The following IQCK variants were observed in gnomAD, a reference collection of about 807,000 sequenced individuals.
IQCK encodes IQ domain-containing protein K.
Under a neutral mutation model 28.1 loss-of-function variants are expected in IQCK, and 29 were observed. That is an observed-to-expected ratio of 1.03 (90% confidence interval 0.77 to 1.41). IQCK has a LOEUF of 1.41. Among genes scored for constraint, IQCK ranks in the 40% most tolerant of loss-of-function variants. The probability of loss-of-function intolerance (pLI) is 0.00; values close to 1 mark genes in which losing one functional copy is unlikely to be tolerated. For synonymous variants in IQCK, 113 were observed against 115.1 expected, an observed-to-expected ratio of 0.98 and a Z score of 0.12; for missense variants, 359 against 314.7, an observed-to-expected ratio of 1.14 and a Z score of -1.07.
At chr16:19,774,693 C>CT (rs1381183233) in intron 6 of IQCK, among the ~76,000 whole-genome samples, 2 of 152,082 alleles carry the variant, frequency 1.3e-5, no homozygotes, top group African/African-American at 4.8e-5. Context: ...CTTAAATATG[C>CT]TTTAAAATTA....
chr16:19,748,505 G>T (rs1331437618), intron 4 of IQCK, among the ~76,000 whole-genome samples: 1 of 152,156 alleles, frequency 6.6e-6, no homozygotes, highest in African/African-American at 2.4e-5. Flanking sequence ...TTGTTGTGAG[G>T]ATAAATGAGT....
At chr16:19,736,399 A>T (rs1978016124) in intron 4 of IQCK, among the ~76,000 whole-genome samples, 1 of 151,962 alleles carries the variant, frequency 6.6e-6, no homozygotes, top group African/African-American at 2.4e-5. Context: ...AGCAGCTGGG[A>T]CTACGGGTAT....
chr16:19,777,793 G>C (rs1461840877), intron 6 of IQCK, among the ~76,000 whole-genome samples: 1 of 152,216 alleles, frequency 6.6e-6, no homozygotes, highest in East Asian at 1.9e-4. Flanking sequence ...GCTCACGCCT[G>C]TAATCCCAGC....
At chr16:19,812,547 T>G (rs1428184247) in intron 7 of IQCK, among the ~76,000 whole-genome samples, 1 of 152,204 alleles carries the variant, frequency 6.6e-6, no homozygotes, top group Non-Finnish European at 1.5e-5. Flanking sequence ...GACCATATGA[T>G]GCACAAAGCC....
At chr16:19,782,868 A>G (rs894660475) in intron 6 of IQCK, among the ~76,000 whole-genome samples, 2 of 152,222 alleles carry the variant, frequency 1.3e-5, no homozygotes, top group Admixed American at 6.5e-5. Flanking sequence ...TTCACTTTGC[A>G]TCTAAAAAAG....
chr16:19,754,269 G>A (rs1202193677), intron 4 of IQCK, among the ~76,000 whole-genome samples: 1 of 152,198 alleles, frequency 6.6e-6, no homozygotes, highest in Non-Finnish European at 1.5e-5. Flanking sequence ...CACACAGTAA[G>A]TAAATGTTTG....
chr16:19,854,253 TTAAC>T (rs1776925621), intron 9 of IQCK, among the ~76,000 whole-genome samples: 1 of 152,276 alleles, frequency 6.6e-6, no homozygotes, highest in South Asian at 2.1e-4. Flanking sequence ...TTCTCAAACT[TTAAC>T]TAGCATCCAT....
intron 1 of IQCK, among the ~76,000 whole-genome samples, chr16:19,727,357 C>T (rs1051237052): frequency 1.3e-5 from 2 of 151,760 alleles, no homozygotes; most frequent in African/African-American, 2.4e-5. Context: ...AAGGCCAAGG[C>T]GGGCGGATTG....
At chr16:19,797,605 A>G (rs2151736852) in intron 7 of IQCK, among the ~76,000 whole-genome samples, 2 of 90,346 alleles carry the variant, frequency 2.2e-5, no homozygotes, top group Admixed American at 1.0e-4. Context: ...AGCCCCTTTG[A>G]GGCCTTGCAA....
chr16:19,853,589 C>T lies in IQCK; in HGVS notation c.803-2898C>T, dbSNP rs368727355. Among the ~76,000 whole-genome samples, 44 of 152,180 alleles carry T rather than the reference C, an allele frequency of 2.9e-4. 1 individual carries two copies. The highest frequency in any genetic ancestry group is 8.2e-4 in the African/African-American group (34 of 41,450). On this transcript the variant is annotated intron_variant, in intron 9 of 9. Transcript: ENST00000320394. ...CCCAGAAGCCAGTCCTTCCCTCCAGCTATTAATTGCCTCCAGCATCTGTCT... is the reference window on the plus strand; with the variant it reads ...CCCAGAAGCCAGTCCTTCCCTCCAGTTATTAATTGCCTCCAGCATCTGTCT...
intron 2 of IQCK, among the ~76,000 whole-genome samples, chr16:19,732,089 G>A (rs181065619): frequency 3.3e-5 from 5 of 152,290 alleles, no homozygotes; most frequent in East Asian, 3.9e-4. Flanking sequence ...CTTCCTCAAC[G>A]TTTTGTTCCT....
chr16:19,724,784 G>A (rs1042971270), intron 1 of IQCK, among the ~76,000 whole-genome samples: 2 of 151,946 alleles, frequency 1.3e-5, no homozygotes, highest in African/African-American at 2.4e-5. Flanking sequence ...TGCCTGCCTC[G>A]GCCTCCCAAA....
intron 1 of IQCK, among the ~76,000 whole-genome samples, chr16:19,722,438 C>G (rs201568608): frequency 6.6e-6 from 1 of 152,078 alleles, no homozygotes; most frequent in East Asian, 1.9e-4. Flanking sequence ...CCTGGCCTGT[C>G]ATATCAGGAA....
intron 4 of IQCK, among the ~76,000 whole-genome samples, chr16:19,741,009 G>A (rs1201582351): frequency 1.3e-5 from 2 of 151,482 alleles, no homozygotes; most frequent in East Asian, 3.9e-4. Context: ...GGATGAAGCA[G>A]GATGAGTCGC....
At chr16:19,773,998 CG>C (rs2151720166) in intron 6 of IQCK, among the ~76,000 whole-genome samples, 1 of 152,138 alleles carries the variant, frequency 6.6e-6, no homozygotes, top group Non-Finnish European at 1.5e-5. Context: ...CATGGTATTG[CG>C]GGGGTCATCA....
At chr16:19,781,193 C>A (rs62025018) in intron 6 of IQCK, among the ~76,000 whole-genome samples, 1 of 152,024 alleles carries the variant, frequency 6.6e-6, no homozygotes, top group Non-Finnish European at 1.5e-5. Flanking sequence ...GTTACAAAGA[C>A]GTTAAATAAT....
Position 19,744,461 on chromosome 16 carries a change from C to T in IQCK, c.474+9011C>T, listed in dbSNP as rs372630338. On this transcript the variant is annotated intron_variant, in intron 4 of 7. Transcript: ENST00000564186. ...TAGATATTTAACTCTATTTTAAATG[C>T]TCAATGTAAAATTCAGCATATTTAA... 3.9e-4 allele frequency among the ~76,000 whole-genome samples: 59 copies of T among 152,214 alleles called. No individual in the cohort carries two copies. The East Asian group carries it at 4.4e-3, about 11-fold the overall frequency.
intron 9 of IQCK, among the ~76,000 whole-genome samples, chr16:19,844,236 C>T (rs540033184): frequency 8.5e-5 from 13 of 152,184 alleles, no homozygotes; most frequent in South Asian, 4.1e-4. Context: ...CCTGCCACCA[C>T]GCCCGGCTAA....
downstream of IQCK, among the ~76,000 whole-genome samples, chr16:19,830,988 T>C (rs1320732853): frequency 6.6e-6 from 1 of 152,240 alleles, no homozygotes; most frequent in Non-Finnish European, 1.5e-5. Flanking sequence ...GTTTGTCTTA[T>C]TCATCATGAG....
Sources: gnomAD v4.1 joint callset for allele counts (sites outside exome capture counted in the v4.1 genomes callset) on GRCh38, gnomAD v4.1.1 for gene constraint, MANE v1.5 for transcripts, NCBI Gene and HGNC (gene_info 2026-07-23, HGNC 2026-07-21) for gene names.